Variants in PXDNL observed in about 807,000 individuals in gnomAD.
The protein encoded by PXDNL is peroxidasin like, also known as probable oxidoreductase PXDNL.
Under a neutral mutation model 150.8 loss-of-function variants are expected in PXDNL, and 145 were observed. That is an observed-to-expected ratio of 0.96 (90% confidence interval 0.84 to 1.10). The LOEUF (loss-of-function observed/expected upper bound fraction) is 1.10, where lower values mean the gene tolerates loss of function less well. PXDNL is among the 50% of genes least tolerant of loss of function. The pLI is 0.00. For synonymous variants in PXDNL, 757 were observed against 725.7 expected, an observed-to-expected ratio of 1.04 and a Z score of -0.69; for missense variants, 2,087 against 1,873.9, an observed-to-expected ratio of 1.11 and a Z score of -2.10.
intron 1 of PXDNL, among the ~76,000 whole-genome samples, chr8:51,727,349 A>G (rs1204582807): frequency 1.3e-5 from 2 of 152,236 alleles, no homozygotes; most frequent in Non-Finnish European, 2.9e-5. Context: ...CCGTAGTACT[A>G]CTACACAGTG....
At chr8:51,444,759 T>G (rs961879760) in intron 12 of PXDNL, among the ~76,000 whole-genome samples, 1 of 152,158 alleles carries the variant, frequency 6.6e-6, no homozygotes, top group African/African-American at 2.4e-5. Flanking sequence ...TTTCTTGAAT[T>G]AATTCACTCT....
At chr8:51,371,194 A>G (rs1807102713) in intron 19 of PXDNL, among the ~76,000 whole-genome samples, 1 of 152,190 alleles carries the variant, frequency 6.6e-6, no homozygotes, top group South Asian at 2.1e-4. Context: ...CAAACAATAC[A>G]TCTTTTCTCT....
At chr8:51,452,698 T>C (rs1457550670) in intron 10 of PXDNL, among the ~76,000 whole-genome samples, 3 of 152,178 alleles carry the variant, frequency 2.0e-5, no homozygotes, top group Non-Finnish European at 2.9e-5. Flanking sequence ...TAACATCCTA[T>C]GCAAATCTTA....
chr8:51,330,995 A>G (rs1469608510), intron 21 of PXDNL, among the ~76,000 whole-genome samples: 1 of 152,216 alleles, frequency 6.6e-6, no homozygotes, highest in Non-Finnish European at 1.5e-5. Context: ...ACTAGATTGC[A>G]GATCCGGATA....
chr8:51,501,957 T>C (rs1563441175), intron 4 of PXDNL, among the ~76,000 whole-genome samples: 1 of 152,208 alleles, frequency 6.6e-6, no homozygotes, highest in Non-Finnish European at 1.5e-5. Context: ...TATCGCATGG[T>C]TGGATTCCAA....
intron 1 of PXDNL, among the ~76,000 whole-genome samples, chr8:51,683,796 T>G (rs997298648): frequency 2.0e-5 from 3 of 152,198 alleles, no homozygotes; most frequent in African/African-American, 7.2e-5. Context: ...TTCCAAGGCA[T>G]GCGAGACTGA....
chr8:51,631,118 A>G (rs958127150), intron 2 of PXDNL, among the ~76,000 whole-genome samples: 3 of 152,166 alleles, frequency 2.0e-5, no homozygotes, highest in Admixed American at 1.3e-4. Flanking sequence ...GAATGAGATC[A>G]TGTTCTTTAC....
At chr8:51,572,577 T>C (rs957566240) in intron 3 of PXDNL, among the ~76,000 whole-genome samples, 8 of 151,924 alleles carry the variant, frequency 5.3e-5, no homozygotes, top group African/African-American at 1.9e-4. Context: ...GATTATTTAA[T>C]AAGTATAGTT....
At chr8:51,338,166 G>A (rs968396590) in intron 21 of PXDNL, among the ~76,000 whole-genome samples, 1 of 136,788 alleles carries the variant, frequency 7.3e-6, no homozygotes, top group African/African-American at 2.9e-5. Flanking sequence ...CTGGGTGACA[G>A]AGCGAGACTC....
intron 4 of PXDNL, among the ~76,000 whole-genome samples, chr8:51,527,520 G>A (rs189337682): frequency 9.9e-5 from 15 of 152,168 alleles, no homozygotes; most frequent in Non-Finnish European, 1.8e-4. Context: ...TGAAGTATCC[G>A]ATTTGTTCTA....
At chr8:51,413,668 G>C (rs80008287) in intron 14 of PXDNL, among the ~76,000 whole-genome samples, 4,665 of 152,102 alleles carry the variant, frequency 0.031, 182 homozygotes, top group African/African-American at 0.091. Flanking sequence ...TCCCATAGAG[G>C]CTTCTTAAGG....
intron 1 of PXDNL, among the ~76,000 whole-genome samples, chr8:51,705,242 C>G (rs1003927934): frequency 2.6e-5 from 4 of 152,190 alleles, no homozygotes; most frequent in East Asian, 1.9e-4. Context: ...AGGACTCAGT[C>G]ACTTCTCTAT....
intron 1 of PXDNL, among the ~76,000 whole-genome samples, chr8:51,688,276 C>T (rs1804377905): frequency 6.6e-6 from 1 of 151,778 alleles, no homozygotes; most frequent in Admixed American, 6.6e-5. Context: ...GCCTCATAGT[C>T]AGGCAAAGAG....
chr8:51,344,744 C>T (rs779457155), intron 20 of PXDNL, among the ~76,000 whole-genome samples: 13 of 152,174 alleles, frequency 8.5e-5, no homozygotes, highest in Non-Finnish European at 1.8e-4. Flanking sequence ...ATGCTAGGTA[C>T]TATATTAGTA....
chr8:51,688,175 G>A (rs1258252843), intron 1 of PXDNL, among the ~76,000 whole-genome samples: 2 of 152,078 alleles, frequency 1.3e-5, no homozygotes, highest in African/African-American at 4.8e-5. Context: ...AGCCACTGCG[G>A]CAGATCAGTA....
At chr8:51,558,825 G>T (rs1430999430) in intron 3 of PXDNL, among the ~76,000 whole-genome samples, 1 of 152,080 alleles carries the variant, frequency 6.6e-6, no homozygotes, top group Admixed American at 6.6e-5. Context: ...GGACCAACAG[G>T]TTTGTATGCT....
rs952012035 is a variant in PXDNL at position 51,322,459 on chromosome 8, T to A, written c.4147-1562A>T. Among the ~76,000 whole-genome samples the A allele has an allele frequency of 2.6e-5, 4 of 152,110 alleles. No homozygotes were observed. The South Asian group carries it at 6.2e-4, about 24-fold the overall frequency. On this transcript the variant is annotated intron_variant, in intron 21 of 22. Transcript: ENST00000356297. ...TTAGTGGGAACTGAGGTGGGATGAG[T>A]GGGCAGCAAAGAAAATTAGGCCCTT... is the stretch of plus-strand genomic sequence containing the variant.
chr8:51,785,396 CTT>C (rs2037451614), intron 1 of PXDNL, among the ~76,000 whole-genome samples: 1 of 152,154 alleles, frequency 6.6e-6, no homozygotes, highest in African/African-American at 2.4e-5. Flanking sequence ...TACAGGCAGA[CTT>C]TGTCTTACGG....
chr8:51,775,147 T>G (rs1266565874), intron 1 of PXDNL, among the ~76,000 whole-genome samples: 6 of 152,198 alleles, frequency 3.9e-5, no homozygotes, highest in Admixed American at 3.9e-4. Flanking sequence ...GCTTATTAAT[T>G]ACTATCTATC....
Sources: allele counts gnomAD v4.1 joint callset (sites outside exome capture counted in the v4.1 genomes callset), GRCh38; gene constraint gnomAD v4.1.1; transcripts MANE v1.5; gene names NCBI Gene and HGNC (gene_info 2026-07-23, HGNC 2026-07-21).